ESRRG: variants seen among roughly 807,000 people sequenced by gnomAD.
The protein encoded by ESRRG is estrogen related receptor gamma, also known as estrogen-related receptor gamma.
Under a neutral mutation model 44.0 loss-of-function variants are expected in ESRRG, and 13 were observed. That is an observed-to-expected ratio of 0.30 (90% CI 0.19 to 0.47). The LOEUF is 0.47. ESRRG is among the 20% of genes least tolerant of loss of function. The pLI, the probability that ESRRG is intolerant of heterozygous loss-of-function variation, is 1.00. For synonymous variants in ESRRG, 215 were observed against 214.6 expected, an observed-to-expected ratio of 1.00 and a Z score of -0.02; for missense variants, 395 against 580.6, an observed-to-expected ratio of 0.68 and a Z score of 3.29.
chr1:216,589,743 A>C (rs2057318645), intron 3 of ESRRG, among the ~76,000 whole-genome samples: 1 of 151,966 alleles, frequency 6.6e-6, no homozygotes. Flanking sequence ...ATCTTCACTA[A>C]AAGCACAAAA....
intron 1 of ESRRG, among the ~76,000 whole-genome samples, chr1:217,037,070 A>T (rs913081104): frequency 6.6e-6 from 1 of 152,156 alleles, no homozygotes; most frequent in African/African-American, 2.4e-5. Flanking sequence ...AAGGACTGAC[A>T]AGTGTCTCAG....
intron 2 of ESRRG, among the ~76,000 whole-genome samples, chr1:216,777,423 C>A (rs982331239): frequency 6.6e-6 from 1 of 152,154 alleles, no homozygotes; most frequent in East Asian, 1.9e-4. Context: ...TATTTATGAT[C>A]TCATATCACA....
In ESRRG at chr1:216,883,510, G is replaced by A. The variant is rs926973885; in HGVS notation, c.-14+56072C>T. ...AGGGAGACAGTAGCGAATGGAATCC[G>A]AGAGATTCTATTGCTTCGATGGGGC... On this transcript the variant is annotated intron_variant, in intron 2 of 7. Coordinates refer to the ESRRG transcript ENST00000359162. Among the ~76,000 whole-genome samples, 8 of 151,838 alleles carry A rather than the reference G, an allele frequency of 5.3e-5. No homozygotes were observed. The East Asian group carries it at 5.8e-4, about 11-fold the overall frequency.
At chr1:216,562,827 T>C (rs572111575) in intron 5 of ESRRG, among the ~76,000 whole-genome samples, 76 of 152,310 alleles carry the variant, frequency 5.0e-4, no homozygotes, top group African/African-American at 1.8e-3. Context: ...GTTTCTTTCA[T>C]CTCTAAACCC....
At chr1:216,532,045 G>A (rs1023889091) in intron 5 of ESRRG, among the ~76,000 whole-genome samples, 1 of 151,590 alleles carries the variant, frequency 6.6e-6, no homozygotes, top group African/African-American at 2.4e-5. Flanking sequence ...TTCCTAACTA[G>A]ATTTGAGTAG....
intron 1 of ESRRG, among the ~76,000 whole-genome samples, chr1:217,098,668 C>T (rs992135646): frequency 7.9e-5 from 12 of 152,166 alleles, no homozygotes; most frequent in African/African-American, 2.7e-4. Flanking sequence ...GGAAATACTG[C>T]TCATTATGTT....
chr1:216,887,478 T>A (rs1434629544), intron 2 of ESRRG, among the ~76,000 whole-genome samples: 1 of 152,218 alleles, frequency 6.6e-6, no homozygotes, highest in East Asian at 1.9e-4. Context: ...TCTTGGTTGT[T>A]AAACATGCTG....
intron 2 of ESRRG, among the ~76,000 whole-genome samples, chr1:216,876,976 ATGTGTGTGTGTG>A (rs61039286): frequency 1.0e-4 from 15 of 145,362 alleles, no homozygotes; most frequent in African/African-American, 2.5e-4. Context: ...CTCTTCACTA[ATGTGTGTGTGTG>A]TGTGTGTGTG....
chr1:216,785,851 G>A (rs2094109939), intron 2 of ESRRG, among the ~76,000 whole-genome samples: 1 of 152,032 alleles, frequency 6.6e-6, no homozygotes, highest in Admixed American at 6.6e-5. Context: ...ATAATGAACT[G>A]ACATGTTCTA....
At chr1:216,519,913 T>A (rs2045586430) in intron 5 of ESRRG, among the ~76,000 whole-genome samples, 1 of 151,240 alleles carries the variant, frequency 6.6e-6, no homozygotes, top group Non-Finnish European at 1.5e-5. Flanking sequence ...CTTGGAAACA[T>A]TTCTGTATAA....
intron 1 of ESRRG, among the ~76,000 whole-genome samples, chr1:217,065,515 A>G (rs1369437475): frequency 1.3e-5 from 2 of 152,194 alleles, no homozygotes; most frequent in African/African-American, 4.8e-5. Flanking sequence ...GATGAAATCT[A>G]AAAGGAGAGC....
At chr1:217,060,533 A>G (rs543240403) in intron 1 of ESRRG, among the ~76,000 whole-genome samples, 2 of 152,246 alleles carry the variant, frequency 1.3e-5, no homozygotes, top group East Asian at 3.9e-4. Context: ...GATGCAAAAT[A>G]AACCCTTGCT....
chr1:217,081,221 C>CTTTTTTTTTTTTTTTTT (rs143325476), intron 1 of ESRRG, among the ~76,000 whole-genome samples: 1 of 70,410 alleles, frequency 1.4e-5, no homozygotes, highest in Non-Finnish European at 2.4e-5. Flanking sequence ...TAAAAATATT[C>CTTTTTTTTTTTTTTTTT]TTTTTTTTTT....
chr1:216,805,361 G>A (rs186428886), intron 2 of ESRRG: 2 of 151,798 alleles, frequency 1.3e-5, no homozygotes, highest in Non-Finnish European at 2.9e-5. Flanking sequence ...GATGCTGTGT[G>A]TGGATAACTA....
At chr1:216,968,657 C>T (rs999587102) in intron 1 of ESRRG, among the ~76,000 whole-genome samples, 3 of 148,706 alleles carry the variant, frequency 2.0e-5, no homozygotes, top group Non-Finnish European at 3.0e-5. Context: ...AGTATCAGTT[C>T]TCTCATATTA....
At chr1:217,009,702 C>CTTTT (rs11325118) in intron 1 of ESRRG, among the ~76,000 whole-genome samples, 29 of 106,356 alleles carry the variant, frequency 2.7e-4, no homozygotes, top group South Asian at 6.0e-4. Context: ...TTTTCTTTTT[C>CTTTT]TTTTTTTTTT....
chr1:216,804,588 T>C (rs761078908), intron 2 of ESRRG, among the ~76,000 whole-genome samples: 38 of 152,146 alleles, frequency 2.5e-4, no homozygotes, highest in Non-Finnish European at 5.4e-4. Context: ...CTGTTGAAGA[T>C]TTATTAACTT....
At chr1:216,529,729 C>G (rs1045113992) in intron 5 of ESRRG, among the ~76,000 whole-genome samples, 1 of 151,800 alleles carries the variant, frequency 6.6e-6, no homozygotes, top group Non-Finnish European at 1.5e-5. Flanking sequence ...TTTCATTTTC[C>G]CACACGTGAA....
At chr1:217,134,230 G>A (rs2093015153) in intron 1 of ESRRG, among the ~76,000 whole-genome samples, 1 of 152,112 alleles carries the variant, frequency 6.6e-6, no homozygotes, top group Non-Finnish European at 1.5e-5. Context: ...CACACCCTGG[G>A]GAGTAGGTCT....
Sources: allele counts gnomAD v4.1 joint callset (sites outside exome capture counted in the v4.1 genomes callset), GRCh38; gene constraint gnomAD v4.1.1; transcripts MANE v1.5; gene names NCBI Gene and HGNC (gene_info 2026-07-23, HGNC 2026-07-21).